Variants in RELCH observed in about 807,000 individuals in gnomAD.
The protein encoded by RELCH is RAB11 binding and LisH domain, coiled-coil and HEAT repeat containing.
In RELCH, 41 loss-of-function variants were observed where a neutral mutation model predicts 150.3. That is an observed-to-expected ratio of 0.27 (90% CI 0.21 to 0.35). RELCH has a LOEUF of 0.35. Ranked by LOEUF, RELCH falls within the 10% of genes least tolerant of loss-of-function variation. The pLI is 1.00. For missense variants in RELCH, 1,092 were observed against 1,467.8 expected, an observed-to-expected ratio of 0.74 and a Z score of 4.18; for synonymous variants, 478 against 531.8, an observed-to-expected ratio of 0.90 and a Z score of 1.39.
intron 1 of RELCH, among the ~76,000 whole-genome samples, chr18:62,203,223 C>T (rs188638380): frequency 2.1e-4 from 32 of 152,200 alleles, no homozygotes; most frequent in African/African-American, 7.2e-4. Context: ...TTTGGGAGGC[C>T]GAGGCAGGCA....
At chr18:62,196,495 G>T in intron 1 of RELCH, among the ~76,000 whole-genome samples, 1 of 152,198 alleles carries the variant, frequency 6.6e-6, no homozygotes, top group East Asian at 1.9e-4. Flanking sequence ...CTCCCAACGT[G>T]CTGGGATTAC....
intron 22 of RELCH, chr18:62,277,893 TA>T: frequency 1.1e-6 from 1 of 930,302 alleles, no homozygotes; most frequent in Non-Finnish European, 1.3e-6. Flanking sequence ...ATTGAACATG[TA>T]ACATTAGAGC....
At chr18:62,233,087 C>T (rs1013172414) in intron 10 of RELCH, among the ~76,000 whole-genome samples, 1 of 151,630 alleles carries the variant, frequency 6.6e-6, no homozygotes, top group African/African-American at 2.4e-5. Context: ...GATCCATAAA[C>T]ACTATAGGAA....
At chr18:62,231,161 G>A in intron 8 of RELCH, 33 bp from the exon 9 acceptor site, 1 of 1,308,756 alleles carries the variant, frequency 7.6e-7, no homozygotes, top group Non-Finnish European at 1.1e-6. Context: ...GTAATTATTT[G>A]ATATTGTCTC....
At chr18:62,203,066 A>G (rs1418065824) in intron 1 of RELCH, among the ~76,000 whole-genome samples, 8 of 152,216 alleles carry the variant, frequency 5.3e-5, no homozygotes, top group Non-Finnish European at 8.8e-5. Flanking sequence ...GGCCAGATCA[A>G]CTAATATATC....
At chr18:62,278,800 A>C (rs999140814) in intron 22 of RELCH, among the ~76,000 whole-genome samples, 2 of 152,158 alleles carry the variant, frequency 1.3e-5, no homozygotes, top group African/African-American at 4.8e-5. Flanking sequence ...TTGCTAAATG[A>C]ATTGTTTTGT....
chr18:62,227,206 AAG>A (rs1331086342), intron 5 of RELCH, 81 bp from the exon 6 acceptor site: 3 of 922,834 alleles, frequency 3.3e-6, no homozygotes. Flanking sequence ...AAAAAAAAAA[AAG>A]ATATTAGCAA....
At chr18:62,258,302 G>A (rs1480177552) in intron 14 of RELCH, among the ~76,000 whole-genome samples, 1 of 151,948 alleles carries the variant, frequency 6.6e-6, no homozygotes, top group Non-Finnish European at 1.5e-5. Flanking sequence ...CTTTCTGGCA[G>A]GAAATTGGCA....
chr18:62,204,528 C>T (rs1374321770), intron 1 of RELCH, among the ~76,000 whole-genome samples: 1 of 152,038 alleles, frequency 6.6e-6, no homozygotes, highest in Non-Finnish European at 1.5e-5. Flanking sequence ...GACAATGTCT[C>T]ACTACGTTTC....
chr18:62,199,024 A>G (rs1298943569), intron 1 of RELCH, among the ~76,000 whole-genome samples: 1 of 151,310 alleles, frequency 6.6e-6, no homozygotes, highest in Admixed American at 6.6e-5. Flanking sequence ...TTTCCCTTGA[A>G]ACATGTGTTA....
rs200774136 is a variant in RELCH, at chr18:62,310,094, A to G, written c.*4560A>G. The G allele has an allele frequency of 8.1e-5, 1 of 12,310 alleles. No individual in the cohort carries two copies. Among genetic ancestry groups the G allele is most frequent in the African/African-American group, 2.0e-4 (1 of 5,124 alleles). 0.8% of individuals were successfully genotyped at this position (12,310 alleles called of 1,614,324 possible). ...TACATTGCTGAGTAATATAAATATAATAATTTCTCATTGACTTTATGATTT... is the reference window on the plus strand; with the variant it reads ...TACATTGCTGAGTAATATAAATATAGTAATTTCTCATTGACTTTATGATTT... On this transcript the variant is annotated 3_prime_UTR_variant, in exon 29 of 29. Transcript: ENST00000644646.
chr18:62,204,365 T>C (rs1218250843), intron 1 of RELCH, among the ~76,000 whole-genome samples: 2 of 152,150 alleles, frequency 1.3e-5, no homozygotes, highest in Admixed American at 6.5e-5. Context: ...AGACAGAGTC[T>C]CCCTCCGTCA....
chr18:62,275,633 G>A, intron 22 of RELCH, 160 bp downstream of exon 22: 1 of 456,178 alleles, frequency 2.2e-6, no homozygotes, highest in Non-Finnish European at 3.9e-6. Context: ...TGTGTGATGG[G>A]GCAGAAATTT....
intron 1 of RELCH, among the ~76,000 whole-genome samples, chr18:62,210,895 G>A (rs987977333): frequency 2.3e-4 from 35 of 152,068 alleles, no homozygotes; most frequent in Admixed American, 1.3e-4. Context: ...TGTTTGTTTT[G>A]TCCTTGCCTG....
intron 11 of RELCH, among the ~76,000 whole-genome samples, chr18:62,251,949 G>C (rs1156664032): frequency 1.3e-5 from 2 of 152,014 alleles, no homozygotes; most frequent in African/African-American, 4.8e-5. Context: ...AAGAACTTAG[G>C]TTCTTGGTGG....
intron 1 of RELCH, among the ~76,000 whole-genome samples, chr18:62,196,141 A>G (rs548108000): frequency 1.1e-3 from 175 of 152,312 alleles, no homozygotes; most frequent in African/African-American, 4.0e-3. Context: ...CTTCTACTTT[A>G]TAAAGTAGTT....
In RELCH at chr18:62,221,399, C is replaced by T; in HGVS notation, c.760C>T (p.Leu254Phe). Residue 254 changes from leucine (L) to phenylalanine (F), a missense_variant, in exon 5 of 29, where the codon CTT becomes TTT. Leu to Phe is a conservative substitution (Grantham distance 22). Coordinates refer to ENST00000644646, the MANE Select transcript of RELCH (RefSeq NM_001346231.2). The part of the protein sequence containing the change: ...SPEIQEPIKP[L>F]EKRALNFLVN... The stretch of plus-strand genomic sequence containing the variant: ...TTGCTTCCAGGAGCCAATCAAACCT[C>T]TTGAAAAGAGAGCTCTAAACTTCTT... 1 of 1,601,756 alleles carries T rather than the reference C, an allele frequency of 6.2e-7. No homozygotes were observed. Among genetic ancestry groups the T allele is most frequent in the Non-Finnish European group, 8.5e-7 (1 of 1,170,266 alleles).
chr18:62,294,365 G>A (rs2045302139), intron 27 of RELCH, among the ~76,000 whole-genome samples: 1 of 152,018 alleles, frequency 6.6e-6, no homozygotes, highest in Non-Finnish European at 1.5e-5. Context: ...GCCAACACTT[G>A]GTATTGTTAA....
At position 62,205,368 on chromosome 18, in the gene RELCH, C is replaced by T. The variant is rs73456639; in HGVS notation, c.527-5785C>T. 1.6e-3 allele frequency among the ~76,000 whole-genome samples: 251 copies of T among 152,256 alleles called. 1 individual carries two copies. The highest frequency in any genetic ancestry group is 4.8e-3 in the African/African-American group (198 of 41,550). ...TGGAAAGTTCCCTCAAGGCCCTTTC[C>T]AGTCAGTTCCTACCCCTTCTAGCCC... On this transcript the variant is annotated intron_variant, in intron 1 of 28. Coordinates refer to ENST00000644646, the MANE Select transcript of RELCH (RefSeq NM_001346231.2).
Sources: allele counts gnomAD v4.1 joint callset (sites outside exome capture counted in the v4.1 genomes callset), GRCh38; gene constraint gnomAD v4.1.1; transcripts MANE v1.5; gene names NCBI Gene and HGNC (gene_info 2026-07-23, HGNC 2026-07-21).